SBSPON: variants seen among roughly 807,000 people sequenced by gnomAD.
The protein encoded by SBSPON is somatomedin B and thrombospondin type 1 domain containing.
In SBSPON, 30 loss-of-function variants were observed where a neutral mutation model predicts 35.8. That is an observed-to-expected ratio of 0.84 (90% CI 0.63 to 1.14). The LOEUF is 1.14. Among genes scored for constraint, SBSPON ranks in the 50% most tolerant of loss-of-function variants. SBSPON has a pLI of 0.00. For synonymous variants in SBSPON, 136 were observed against 135.9 expected (o/e 1.00, Z 0.00); for missense variants, 364 against 357.7 (o/e 1.02, Z -0.14).
chr8:73,089,975 G>T (rs1810901343), intron 1 of SBSPON, among the ~76,000 whole-genome samples: 1 of 152,198 alleles, frequency 6.6e-6, no homozygotes, highest in African/African-American at 2.4e-5. Flanking sequence ...TACCTCCTGG[G>T]CTCAGGTGAT....
At chr8:73,077,360 G>A (rs929711929) in intron 2 of SBSPON, among the ~76,000 whole-genome samples, 16 of 152,340 alleles carry the variant, frequency 1.1e-4, no homozygotes, top group Non-Finnish European at 1.8e-4. Flanking sequence ...CGTGTGCCGC[G>A]CCTCAAAGGC....
rs577346142 is a variant in SBSPON at position 73,065,045 on chromosome 8, A to G, written c.*2296T>C. ...TGGTTTTTCATTCATCACTTGGACT[A>G]CATGTTTCAGTTCTGAACTATTTCC... On this transcript the variant is annotated 3_prime_UTR_variant, in exon 5 of 5. Transcript: ENST00000297354. The G allele has an allele frequency of 3.3e-5, 5 of 152,332 alleles. No individual in the cohort carries two copies. The highest frequency in any genetic ancestry group is 7.3e-5 in the Non-Finnish European group (5 of 68,032). The allele number at this position is 152,332 out of a possible 1,614,324, so 9.4% of individuals were successfully genotyped here.
Position 73,066,149 on chromosome 8 carries a change from A to C in SBSPON, c.*1192T>G, listed in dbSNP as rs552336920. 1 of 152,342 alleles carries C rather than the reference A, an allele frequency of 6.6e-6. No individual in the cohort carries two copies. Among genetic ancestry groups the C allele is most frequent in the South Asian group, 2.1e-4 (1 of 4,824 alleles). 9.4% of individuals were successfully genotyped at this position (152,342 alleles called of 1,614,324 possible). A position where few individuals can be genotyped will look rare whatever the true frequency, so the allele number is the denominator to read the frequency against. ...AAACCAAAGAAATCTCATGTAGTTT[A>C]CATCTCAAGACTCAATTCTCTAAAC... On this transcript the variant is annotated 3_prime_UTR_variant, in exon 5 of 5. Transcript: ENST00000297354.
At position 73,071,839 on chromosome 8, in the gene SBSPON, G is replaced by A. The variant is rs751296191; in HGVS notation, c.441C>T (p.Asn147=). Reference sequence around the variant, plus strand: ...ACGTAGCTTGTCGTGTTCTCTCCTTGTTGAATGCAGAGGTAGTTATAAAGG... The same window carrying A: ...ACGTAGCTTGTCGTGTTCTCTCCTTATTGAATGCAGAGGTAGTTATAAAGG... ...VPAFITTSAF[N]KERTRQATSP... The change falls in exon 3 of 5, where the codon AAC becomes AAT. Residue 147 remains asparagine, a synonymous_variant. Transcript: ENST00000297354. 2 of 1,610,320 alleles carry A rather than the reference G, an allele frequency of 1.2e-6. No individual in the cohort carries two copies. Among genetic ancestry groups the A allele is most frequent in the Admixed American group, 3.3e-5 (2 of 59,972 alleles).
chr8:73,080,134 C>T (rs1350362358), intron 2 of SBSPON, among the ~76,000 whole-genome samples: 2 of 152,132 alleles, frequency 1.3e-5, no homozygotes, highest in Admixed American at 1.3e-4. Context: ...CTCCATTGGC[C>T]ACTCCAAAAC....
At chr8:73,078,809 G>A (rs1009230140) in intron 2 of SBSPON, among the ~76,000 whole-genome samples, 10 of 152,128 alleles carry the variant, frequency 6.6e-5, no homozygotes, top group East Asian at 1.9e-4. Flanking sequence ...TATGACCACC[G>A]TATCAATGGG....
At chr8:73,075,804 G>A in intron 2 of SBSPON, 2 of 907,838 alleles carry the variant, frequency 2.2e-6, no homozygotes, top group Non-Finnish European at 2.6e-6. Context: ...AGAGGCATAT[G>A]GTTTATAATA....
chr8:73,072,065 G>A (rs1002124450), intron 2 of SBSPON, among the ~76,000 whole-genome samples, 195 bp from the exon 3 acceptor site: 2 of 152,190 alleles, frequency 1.3e-5, no homozygotes, highest in African/African-American at 4.8e-5. Flanking sequence ...TAGGGAGGGG[G>A]CCTGCAGGCC....
intron 1 of SBSPON, among the ~76,000 whole-genome samples, chr8:73,090,888 C>G (rs1810920196): frequency 6.6e-6 from 1 of 152,172 alleles, no homozygotes; most frequent in Non-Finnish European, 1.5e-5. Context: ...ATCCCCACTC[C>G]AAAACCATAG....
At chr8:73,087,522 C>A (rs1193504816) in intron 1 of SBSPON, among the ~76,000 whole-genome samples, 2 of 152,122 alleles carry the variant, frequency 1.3e-5, no homozygotes, top group South Asian at 4.1e-4. Flanking sequence ...AGGCCCCGCT[C>A]GTTTTTTTTC....
At position 73,082,922 on chromosome 8, in the gene SBSPON, A is replaced by C. The variant is rs551608396; in HGVS notation, c.215-1709T>G. Among the ~76,000 whole-genome samples, 6 of 152,366 alleles carry C rather than the reference A, an allele frequency of 3.9e-5. No individual in the cohort carries two copies. In the East Asian group the frequency reaches 1.2e-3, roughly 29 times the overall value. Reference sequence around the variant, plus strand: ...CTTGAACAACACTTAATATTGCATAAAAAGAATGCACTTGTTTCAAAGATT... The same window carrying C: ...CTTGAACAACACTTAATATTGCATACAAAGAATGCACTTGTTTCAAAGATT... On this transcript the variant is annotated intron_variant, in intron 1 of 4. Transcript: ENST00000297354.
chr8:73,092,633 G>A (rs922363516), intron 1 of SBSPON, among the ~76,000 whole-genome samples: 1 of 152,146 alleles, frequency 6.6e-6, no homozygotes, highest in Admixed American at 6.5e-5. Flanking sequence ...GCTCTGGTCT[G>A]TCTTGGGGGT....
intron 1 of SBSPON, 39 bp from the exon 2 acceptor site, chr8:73,081,252 C>A: frequency 6.7e-7 from 1 of 1,493,110 alleles, no homozygotes. Context: ...CTGAGTAAAT[C>A]CCGCCAGGCT....
Position 73,069,985 on chromosome 8 carries a change from C to T in SBSPON, c.501-4G>A. ...TGTCTTAAACTCCATACAGTATCTA[C>T]AGCAAAAGAAGTAACAATGACACTT... On this transcript the variant is annotated splice_polypyrimidine_tract_variant and splice_region_variant and intron_variant, in intron 3 of 4. Coordinates refer to ENST00000297354, the MANE Select transcript of SBSPON (RefSeq NM_153225.4). The T allele has an allele frequency of 6.5e-7, 1 of 1,544,584 alleles. No homozygotes were observed. Among genetic ancestry groups the T allele is most frequent in the Non-Finnish European group, 8.8e-7 (1 of 1,141,930 alleles).
chr8:73,089,901 T>C (rs755516075), intron 1 of SBSPON, among the ~76,000 whole-genome samples: 10 of 151,948 alleles, frequency 6.6e-5, no homozygotes, highest in Non-Finnish European at 1.3e-4. Flanking sequence ...TGAGACAGGG[T>C]CTTACTCTGT....
chr8:73,067,589 C>CTATGTATATATATATA, intron 4 of SBSPON, 131 bp from the exon 5 acceptor site: 1 of 104,196 alleles, frequency 9.6e-6, no homozygotes. Context: ...CCCGTCTCTA[C>CTATGTATATATATATA]TATATATATA....
chr8:73,072,670 A>G (rs1426877956), intron 2 of SBSPON, among the ~76,000 whole-genome samples: 1 of 152,200 alleles, frequency 6.6e-6, no homozygotes, highest in East Asian at 1.9e-4. Flanking sequence ...CTCCGTCTCA[A>G]AAAGAAAAAG....
chr8:73,067,939 T>G (rs531725463), intron 4 of SBSPON, among the ~76,000 whole-genome samples: 1 of 151,782 alleles, frequency 6.6e-6, no homozygotes, highest in Admixed American at 6.6e-5. Flanking sequence ...GACACCCTCA[T>G]GTTGACAGAG....
At chr8:73,090,592 A>G (rs1421120406) in intron 1 of SBSPON, among the ~76,000 whole-genome samples, 1 of 152,142 alleles carries the variant, frequency 6.6e-6, no homozygotes, top group Non-Finnish European at 1.5e-5. Flanking sequence ...CCACCTTCCA[A>G]TTGTCTTTGT....
Sources: gnomAD v4.1 joint callset for allele counts (sites outside exome capture counted in the v4.1 genomes callset) on GRCh38, gnomAD v4.1.1 for gene constraint, MANE v1.5 for transcripts, NCBI Gene and HGNC (gene_info 2026-07-23, HGNC 2026-07-21) for gene names.